The following DNAAF9 variants were observed in gnomAD, a reference collection of about 807,000 sequenced individuals.
The protein encoded by DNAAF9 is dynein axonemal assembly factor 9.
In DNAAF9, 90 loss-of-function variants were observed where a neutral mutation model predicts 167.0. That is an observed-to-expected ratio of 0.54 (90% confidence interval 0.45 to 0.64). DNAAF9 has a LOEUF of 0.64. Ranked by LOEUF, DNAAF9 falls within the 30% of genes least tolerant of loss-of-function variation. DNAAF9 has a pLI of 0.00. For missense variants in DNAAF9, 1,315 were observed against 1,442.2 expected, an observed-to-expected ratio of 0.91 and a Z score of 1.43; for synonymous variants, 491 against 508.8, an observed-to-expected ratio of 0.96 and a Z score of 0.47.
chr20:3,272,067 G>A (rs1048173458), intron 29 of DNAAF9, among the ~76,000 whole-genome samples: 1 of 151,962 alleles, frequency 6.6e-6, no homozygotes, highest in Non-Finnish European at 1.5e-5. Context: ...CTCCCCTACT[G>A]TATGATTTTG....
chr20:3,407,223 G>A (rs2084072737), intron 1 of DNAAF9, among the ~76,000 whole-genome samples: 1 of 152,136 alleles, frequency 6.6e-6, no homozygotes, highest in Non-Finnish European at 1.5e-5. Flanking sequence ...AGCCATTGTG[G>A]GGAAACCGTT....
At chr20:3,298,907 CT>C (rs397865293) in intron 21 of DNAAF9, among the ~76,000 whole-genome samples, 230 of 119,548 alleles carry the variant, frequency 1.9e-3, no homozygotes, top group Middle Eastern at 9.1e-3. Context: ...TGTTTTAGCT[CT>C]TTTTTTTTTT....
chr20:3,306,712 T>C (rs1470871047), intron 20 of DNAAF9, among the ~76,000 whole-genome samples: 4 of 152,134 alleles, frequency 2.6e-5, no homozygotes, highest in Admixed American at 2.0e-4. Context: ...GGTGAATCTG[T>C]AGATGTGCCT....
At chr20:3,323,021 C>T (rs889447904) in intron 14 of DNAAF9, among the ~76,000 whole-genome samples, 1 of 151,890 alleles carries the variant, frequency 6.6e-6, no homozygotes, top group Non-Finnish European at 1.5e-5. Context: ...CTGCTCTGAG[C>T]GCAAGCAGAG....
At chr20:3,362,981 C>A (rs185092124) in intron 6 of DNAAF9, among the ~76,000 whole-genome samples, 4 of 152,230 alleles carry the variant, frequency 2.6e-5, no homozygotes, top group Admixed American at 2.6e-4. Context: ...GTAATCCCAG[C>A]AATTTGGGAG....
chr20:3,336,715 C>T (rs994320190), intron 10 of DNAAF9, among the ~76,000 whole-genome samples: 1 of 151,708 alleles, frequency 6.6e-6, no homozygotes, highest in African/African-American at 2.4e-5. Context: ...CCACGCCTGG[C>T]TAATTTTTCT....
intron 10 of DNAAF9, among the ~76,000 whole-genome samples, chr20:3,338,238 A>G (rs1210881645): frequency 1.3e-5 from 2 of 152,058 alleles, no homozygotes; most frequent in Admixed American, 6.6e-5. Context: ...TTTGTTGGAT[A>G]TAAAATGTGG....
chr20:3,329,023 C>G (rs2069771033), intron 12 of DNAAF9, among the ~76,000 whole-genome samples: 1 of 152,070 alleles, frequency 6.6e-6, no homozygotes, highest in Admixed American at 6.5e-5. Context: ...GCATGTGCCA[C>G]CACATTTGGC....
chr20:3,326,319 C>T, intron 12 of DNAAF9, 35 bp from the exon 13 acceptor site: 1 of 1,396,070 alleles, frequency 7.2e-7, no homozygotes, highest in Non-Finnish European at 1.0e-6. Flanking sequence ...AACATTACAG[C>T]ATCATGAGGT....
intron 10 of DNAAF9, among the ~76,000 whole-genome samples, chr20:3,336,923 C>T (rs1490862427): frequency 6.7e-6 from 1 of 149,828 alleles, no homozygotes; most frequent in Non-Finnish European, 1.5e-5. Context: ...CTCTGTCGCC[C>T]AGGCTGGAGG....
intron 28 of DNAAF9, 46 bp downstream of exon 28, chr20:3,281,595 A>G: frequency 1.3e-6 from 2 of 1,538,546 alleles, no homozygotes; most frequent in Non-Finnish European, 8.7e-7. Flanking sequence ...TGGTGGGTGG[A>G]AACAAATCAC....
intron 20 of DNAAF9, among the ~76,000 whole-genome samples, chr20:3,305,128 G>C (rs779139593): frequency 6.6e-6 from 1 of 152,216 alleles, no homozygotes; most frequent in African/African-American, 2.4e-5. Context: ...ATGGATGTGG[G>C]TTCCTCGGAA....
intron 16 of DNAAF9, among the ~76,000 whole-genome samples, chr20:3,320,820 C>A (rs1023613667): frequency 5.3e-5 from 8 of 152,154 alleles, no homozygotes; most frequent in Non-Finnish European, 1.0e-4. Context: ...CCAAATTATC[C>A]ACTGGGTGCT....
At chr20:3,286,068 C>T (rs922221563) in intron 27 of DNAAF9, among the ~76,000 whole-genome samples, 17 of 152,300 alleles carry the variant, frequency 1.1e-4, no homozygotes, top group African/African-American at 3.8e-4. Context: ...GATCTCCCAT[C>T]ACCAACAACC....
At chr20:3,303,779 C>T (rs897407251) in intron 21 of DNAAF9, among the ~76,000 whole-genome samples, 4 of 152,244 alleles carry the variant, frequency 2.6e-5, no homozygotes, top group African/African-American at 4.8e-5. Flanking sequence ...TGCACTGAGA[C>T]GAGCTGTGCC....
rs567505688 is a variant in DNAAF9 at position 3,320,621 on chromosome 20, C to T, written c.1356+1596G>A. Among the ~76,000 whole-genome samples, 5 of 152,246 alleles carry T rather than the reference C, an allele frequency of 3.3e-5. No individual in the cohort carries two copies. The East Asian group carries it at 9.6e-4, about 29-fold the overall frequency. ...TGTTTTAATGATATCACAAAAAAGT[C>T]TAAACTAGTTCTAAAAGAACATCCA... is the stretch of plus-strand genomic sequence containing the variant. On this transcript the variant is annotated intron_variant, in intron 16 of 36. Transcript: ENST00000252032.
At position 3,264,460 on chromosome 20, in the gene DNAAF9, G is replaced by A. The variant is rs1420572222; in HGVS notation, c.2851C>T (p.Arg951Ter). Residue 951 changes from arginine to a stop codon, truncating the protein, a stop_gained, in exon 31 of 37, where the codon CGA becomes TGA. Transcript: ENST00000252032. LOFTEE classifies it high-confidence loss of function. ...SFSSPEMLRS[R>*]YLMYPGWYEG... ...TGCCAGCCAGGATACATTAAATATC[G>A]AGATCGTAGCATCTCAGGACTTGAA... 2 of 1,526,274 alleles carry A rather than the reference G, an allele frequency of 1.3e-6. No homozygotes were observed. The highest frequency in any genetic ancestry group is 1.1e-5 in the South Asian group (1 of 89,108). 94.5% of individuals were successfully genotyped at this position (1,526,274 alleles called of 1,614,324 possible).
In DNAAF9 at chr20:3,381,635, A is replaced by G. The variant is rs2083655775; in HGVS notation, c.164-137T>C. The G allele has an allele frequency of 7.1e-6, 5 of 706,632 alleles. No individual in the cohort carries two copies. In the South Asian group the frequency reaches 1.3e-4, roughly 18 times the overall value. The allele number at this position is 706,632 out of a possible 1,614,324, so 43.8% of individuals were successfully genotyped here. On this transcript the variant is annotated intron_variant, in intron 2 of 36. Coordinates refer to ENST00000252032, the MANE Select transcript of DNAAF9 (RefSeq NM_001009984.3). ...CAGACCAGTTTTGTGCCAGAAACCA[A>G]GCTAACCAATTCTGTGAAAGAAACA...
chr20:3,338,648 A>ATTTTT (rs140772082), intron 10 of DNAAF9, among the ~76,000 whole-genome samples: 3 of 121,790 alleles, frequency 2.5e-5, no homozygotes, highest in Non-Finnish European at 5.0e-5. Flanking sequence ...TTCTTGGATG[A>ATTTTT]TTTTTTTTTT....
Sources: allele counts gnomAD v4.1 joint callset (sites outside exome capture counted in the v4.1 genomes callset), GRCh38; gene constraint gnomAD v4.1.1; transcripts MANE v1.5; gene names NCBI Gene and HGNC (gene_info 2026-07-23, HGNC 2026-07-21).